Variants in ADCK1 observed in about 807,000 individuals in gnomAD.
The protein encoded by ADCK1 is aarF domain containing kinase 1.
In ADCK1, 41 loss-of-function variants were observed where a neutral mutation model predicts 52.3. The ratio of observed to expected loss-of-function variants is 0.78; its 90% CI spans 0.61 to 1.02. The LOEUF is 1.02. Ranked by LOEUF, ADCK1 falls within the 50% of genes least tolerant of loss-of-function variation. The probability of loss-of-function intolerance (pLI) is 0.00; values close to 1 mark genes in which losing one functional copy is unlikely to be tolerated. For synonymous variants in ADCK1, 250 were observed against 274.6 expected (o/e 0.91, Z 0.89); for missense variants, 658 against 679.5 (o/e 0.97, Z 0.35).
chr14:77,886,106 G>T (rs999955264), intron 4 of ADCK1, among the ~76,000 whole-genome samples: 1 of 152,246 alleles, frequency 6.6e-6, no homozygotes, highest in African/African-American at 2.4e-5. Context: ...GGCATTGCAG[G>T]TGATGACCTA....
chr14:77,892,743 T>G (rs1271071092), intron 5 of ADCK1, among the ~76,000 whole-genome samples: 1 of 152,178 alleles, frequency 6.6e-6, no homozygotes, highest in Non-Finnish European at 1.5e-5. Flanking sequence ...TGAGACCACC[T>G]TGATTGGCTT....
intron 7 of ADCK1, among the ~76,000 whole-genome samples, chr14:77,916,896 G>A (rs1437897596): frequency 6.6e-6 from 1 of 152,178 alleles, no homozygotes; most frequent in Non-Finnish European, 1.5e-5. Flanking sequence ...TCCCAAAGGT[G>A]GTTCCTGGGG....
chr14:77,805,120 C>T (rs911910969), intron 1 of ADCK1, among the ~76,000 whole-genome samples: 1 of 148,862 alleles, frequency 6.7e-6, no homozygotes, highest in Admixed American at 6.7e-5. Context: ...GCAGGAGAAT[C>T]GCTTGAACCC....
chr14:77,801,537 A>G (rs1484478195), intron 1 of ADCK1, among the ~76,000 whole-genome samples: 3 of 152,080 alleles, frequency 2.0e-5, no homozygotes, highest in Non-Finnish European at 4.4e-5. Context: ...TTGCTTGGCC[A>G]TTTCTCAACT....
intron 3 of ADCK1, among the ~76,000 whole-genome samples, chr14:77,848,096 G>A (rs111675506): frequency 3.5e-4 from 54 of 152,212 alleles, no homozygotes; most frequent in African/African-American, 1.3e-3. Context: ...TAGAGATGGG[G>A]GTCTCATTTT....
At chr14:77,812,453 T>C (rs2081355034) in intron 1 of ADCK1, among the ~76,000 whole-genome samples, 1 of 152,210 alleles carries the variant, frequency 6.6e-6, no homozygotes, top group Admixed American at 6.5e-5. Flanking sequence ...TTGTCACCAA[T>C]GGCAGGCTTC....
At chr14:77,817,405 C>G (rs2081479528) in intron 1 of ADCK1, among the ~76,000 whole-genome samples, 3 of 152,184 alleles carry the variant, frequency 2.0e-5, no homozygotes, top group Admixed American at 2.0e-4. Flanking sequence ...TGGTGGCGTG[C>G]TGCTGCTCTC....
At chr14:77,827,456 CT>C (rs61564212) in intron 3 of ADCK1, among the ~76,000 whole-genome samples, 2 of 148,490 alleles carry the variant, frequency 1.3e-5, no homozygotes. Context: ...CCAGGAAATT[CT>C]TTTTTTTTTG....
intron 2 of ADCK1, among the ~76,000 whole-genome samples, chr14:77,821,415 A>C (rs1248021236): frequency 6.6e-6 from 1 of 152,154 alleles, no homozygotes; most frequent in African/African-American, 2.4e-5. Flanking sequence ...GCAAAGGAAG[A>C]AACTCTTCTT....
chr14:77,932,118 G>A (rs887953866), intron 10 of ADCK1, among the ~76,000 whole-genome samples: 2 of 150,878 alleles, frequency 1.3e-5, no homozygotes, highest in African/African-American at 2.4e-5. Context: ...GTGTGATCTC[G>A]GCTCACTGCA....
chr14:77,924,678 C>A, intron 8 of ADCK1, 72 bp downstream of exon 8: 1 of 1,577,160 alleles, frequency 6.3e-7, no homozygotes, highest in South Asian at 1.1e-5. Flanking sequence ...TAATTAGCTG[C>A]AGAACCGGGA....
intron 5 of ADCK1, among the ~76,000 whole-genome samples, chr14:77,896,448 G>A (rs2083410639): frequency 6.6e-6 from 1 of 152,210 alleles, no homozygotes; most frequent in Non-Finnish European, 1.5e-5. Context: ...CCTCTCGGGC[G>A]AGACCCTCTG....
intron 6 of ADCK1, among the ~76,000 whole-genome samples, chr14:77,900,281 A>T (rs967837419): frequency 4.6e-5 from 7 of 152,082 alleles, no homozygotes; most frequent in African/African-American, 1.4e-4. Flanking sequence ...GGGTGGTGGG[A>T]GGAGTCCTTT....
chr14:77,915,387 G>A (rs1055548188), intron 7 of ADCK1, among the ~76,000 whole-genome samples: 123 of 131,992 alleles, frequency 9.3e-4, no homozygotes, highest in African/African-American at 3.5e-3. Flanking sequence ...TCCCCTTCCT[G>A]TGTTCATGTG....
chr14:77,881,509 A>G (rs570358732), intron 4 of ADCK1, among the ~76,000 whole-genome samples: 1 of 152,344 alleles, frequency 6.6e-6, no homozygotes, highest in East Asian at 1.9e-4. Flanking sequence ...AGGGAGGAGT[A>G]TTATTTAAAA....
rs1012221055 is a variant in ADCK1, at chr14:77,858,269, G to A, written c.220-807G>A. On this transcript the variant is annotated intron_variant, in intron 3 of 10. Coordinates refer to ENST00000238561, the MANE Select transcript of ADCK1 (RefSeq NM_020421.4). ...TCTTTCTTTTTTGAGACAGAGTCTC[G>A]CTCTGTTGCCCAGGCTAGAGTGCAG... is the stretch of plus-strand genomic sequence containing the variant. Among the ~76,000 whole-genome samples, 23 of 152,026 alleles carry A rather than the reference G, an allele frequency of 1.5e-4. No individual in the cohort carries two copies. In the East Asian group the frequency reaches 4.0e-3, roughly 27 times the overall value.
At chr14:77,872,501 G>T (rs1041864243) in intron 4 of ADCK1, among the ~76,000 whole-genome samples, 18 of 152,012 alleles carry the variant, frequency 1.2e-4, no homozygotes, top group African/African-American at 4.1e-4. Flanking sequence ...GAAGAAGAGG[G>T]AAGTGGGGTG....
intron 4 of ADCK1, among the ~76,000 whole-genome samples, chr14:77,869,950 C>T (rs1358454616): frequency 2.0e-5 from 3 of 152,212 alleles, no homozygotes; most frequent in Non-Finnish European, 2.9e-5. Flanking sequence ...ATAGTGTCCA[C>T]TCCACCCAGC....
At chr14:77,896,781 A>C (rs2083419395) in intron 5 of ADCK1, among the ~76,000 whole-genome samples, 1 of 152,230 alleles carries the variant, frequency 6.6e-6, no homozygotes. Context: ...CAATTATCAT[A>C]AGGTCACAGG....
Sources: gnomAD v4.1 joint callset for allele counts (sites outside exome capture counted in the v4.1 genomes callset) on GRCh38, gnomAD v4.1.1 for gene constraint, MANE v1.5 for transcripts, NCBI Gene and HGNC (gene_info 2026-07-23, HGNC 2026-07-21) for gene names.